PCDHGB2: variants seen among roughly 807,000 people sequenced by gnomAD.
The protein encoded by PCDHGB2 is protocadherin gamma-B2.
A neutral mutation model predicts 59.3 loss-of-function variants in PCDHGB2; 55 were observed. The ratio of observed to expected loss-of-function variants is 0.93; its 90% CI spans 0.75 to 1.16. The LOEUF (loss-of-function observed/expected upper bound fraction) is 1.16. PCDHGB2 is among the 50% of genes most tolerant of loss of function. PCDHGB2 has a pLI of 0.00. For synonymous variants in PCDHGB2, 516 were observed against 512.0 expected (o/e 1.01, Z -0.11); for missense variants, 1,228 against 1,198.5 (o/e 1.02, Z -0.36).
At chr5:141,423,510 TGCGGACTC>T in intron 1 of PCDHGB2, 1 of 1,613,792 alleles carries the variant, frequency 6.2e-7, no homozygotes, top group South Asian at 1.1e-5. Context: ...TCTCTCTCAT[TGCGGACTC>T]GCAGAAGAGT....
intron 1 of PCDHGB2, chr5:141,404,213 A>G: frequency 6.2e-7 from 1 of 1,613,516 alleles, no homozygotes; most frequent in Non-Finnish European, 8.5e-7. Context: ...ATATAATATC[A>G]CGGTGACTGC....
At chr5:141,499,323 GCTCT>G (rs1259902316) in intron 2 of PCDHGB2, among the ~76,000 whole-genome samples, 1 of 152,046 alleles carries the variant, frequency 6.6e-6, no homozygotes, top group East Asian at 1.9e-4. Context: ...CAGTATCCCT[GCTCT>G]CTCTCAGTTT....
chr5:141,456,236 T>G (rs1299029934), intron 1 of PCDHGB2, among the ~76,000 whole-genome samples: 1 of 152,120 alleles, frequency 6.6e-6, no homozygotes, highest in African/African-American at 2.4e-5. Flanking sequence ...TAACTGCTGT[T>G]AGGAGGCTTT....
At chr5:141,382,133 T>C (rs1420684997) in intron 1 of PCDHGB2, among the ~76,000 whole-genome samples, 3 of 152,068 alleles carry the variant, frequency 2.0e-5, no homozygotes, top group Admixed American at 6.6e-5. Context: ...TGGCCCCCCC[T>C]CTCATTTTTT....
intron 2 of PCDHGB2, among the ~76,000 whole-genome samples, chr5:141,498,543 C>T (rs2099784198): frequency 6.6e-6 from 1 of 151,870 alleles, no homozygotes; most frequent in South Asian, 2.1e-4. Flanking sequence ...CTGGTCTGGT[C>T]AGACACACCA....
intron 1 of PCDHGB2, chr5:141,414,528 C>T: frequency 6.2e-7 from 1 of 1,613,970 alleles, no homozygotes; most frequent in Non-Finnish European, 8.5e-7. Flanking sequence ...ATATCAATGA[C>T]AACCCACCTA....
chr5:141,362,456 T>A lies in PCDHGB2; in HGVS notation c.2321T>A (p.Leu774Ter), dbSNP rs373414184. 1.9e-6 allele frequency: 3 copies of A among 1,614,050 alleles called. No homozygotes were observed. Among genetic ancestry groups the A allele is most frequent in the Non-Finnish European group, 2.5e-6 (3 of 1,179,896 alleles). The change falls in exon 1 of 4, where the codon TTG becomes TAG. Residue 774 changes from leucine (L) to a stop codon, truncating the protein, a stop_gained. Transcript: ENST00000522605. LOFTEE classifies it high-confidence loss of function. ...EFNFLNITPE[L>*]VPAQDLVCDN... ...AATTTTCTGAACATAACCCCGGAAT[T>A]GGTTCCCGCGCAAGATCTCGTCTGT...
chr5:141,428,177 G>A lies in PCDHGB2; in HGVS notation c.2421+65621G>A, dbSNP rs754811645. The A allele has an allele frequency of 1.4e-5, 21 of 1,510,058 alleles. 1 individual carries two copies. The South Asian group carries it at 1.7e-4, about 12-fold the overall frequency. The allele number at this position is 1,510,058 out of a possible 1,614,324, so 93.5% of individuals were successfully genotyped here. ...CCTGCTGGTTGCTGTGCGTGACGGA[G>A]GACAGCCGCCGCTCTCTGCGCCGCT... On this transcript the variant is annotated intron_variant, in intron 1 of 3. Coordinates refer to ENST00000522605, the MANE Select transcript of PCDHGB2 (RefSeq NM_018923.3).
intron 1 of PCDHGB2, among the ~76,000 whole-genome samples, chr5:141,460,951 G>GTATA (rs200454978): frequency 7.9e-5 from 11 of 139,774 alleles, no homozygotes; most frequent in Middle Eastern, 3.7e-3. Context: ...TATGTATTAT[G>GTATA]TATATATATA....
Position 141,504,006 on chromosome 5 carries a change from G to C in PCDHGB2, c.2481-1387G>C, listed in dbSNP as rs138738950. Among the ~76,000 whole-genome samples, 1,431 of 152,182 alleles carry C rather than the reference G, an allele frequency of 9.4e-3. 31 individuals are homozygous for C. The highest frequency in any genetic ancestry group is 0.033 in the African/African-American group (1,367 of 41,490). On this transcript the variant is annotated intron_variant, in intron 2 of 3. Coordinates refer to ENST00000522605, the MANE Select transcript of PCDHGB2 (RefSeq NM_018923.3). The stretch of plus-strand genomic sequence containing the variant: ...CTTCTTACCTTACAGTCACTTAACT[G>C]TCTCTGCTGGTCTCTTCCCACTCAT...
At position 141,486,646 on chromosome 5, in the gene PCDHGB2, C is replaced by T; in HGVS notation, c.2422-8161C>T. On this transcript the variant is annotated intron_variant, in intron 1 of 3. Transcript: ENST00000522605. The surrounding 1 kb of genome is among the most constrained non-coding windows in gnomAD (Gnocchi z 5.0). ...ACTCTGGCTTGAATGCGCTTATCTC[C>T]TACTCACTCCTGGAGCCCAGGAATC... is the stretch of plus-strand genomic sequence containing the variant. 4.3e-6 allele frequency: 7 copies of T among 1,613,916 alleles called. No individual in the cohort carries two copies. Among genetic ancestry groups the T allele is most frequent in the African/African-American group, 1.3e-5 (1 of 75,058 alleles).
At chr5:141,421,770 G>T in intron 1 of PCDHGB2, 6 of 1,613,856 alleles carry the variant, frequency 3.7e-6, no homozygotes, top group East Asian at 2.2e-5. Context: ...ACTTTTCCTT[G>T]CAACTGCGGG....
At chr5:141,402,361 T>G (rs2094255838) in intron 1 of PCDHGB2, among the ~76,000 whole-genome samples, 1 of 151,992 alleles carries the variant, frequency 6.6e-6, no homozygotes, top group Admixed American at 6.6e-5. Flanking sequence ...ATGAATGTAC[T>G]TCCAAACAAG....
At chr5:141,368,303 C>G (rs981191656) in intron 1 of PCDHGB2, among the ~76,000 whole-genome samples, 4 of 152,066 alleles carry the variant, frequency 2.6e-5, no homozygotes, top group African/African-American at 9.7e-5. Context: ...TTTTTAAACA[C>G]TGTTAAAGAG....
At chr5:141,383,101 T>G (rs1561594429) in intron 1 of PCDHGB2, 2 of 1,613,954 alleles carry the variant, frequency 1.2e-6, no homozygotes, top group Non-Finnish European at 1.7e-6. Flanking sequence ...CCGCATCATC[T>G]CCAGAGGTAG....
intron 1 of PCDHGB2, among the ~76,000 whole-genome samples, chr5:141,420,624 CTCAA>C (rs1561789527): frequency 1.3e-5 from 2 of 152,278 alleles, no homozygotes; most frequent in Admixed American, 1.3e-4. Context: ...TCTTCATTTA[CTCAA>C]TAAAGGAACC....
At chr5:141,427,957 C>A in intron 1 of PCDHGB2, 2 of 1,588,400 alleles carry the variant, frequency 1.3e-6, no homozygotes, top group Non-Finnish European at 1.7e-6. Flanking sequence ...GACAATGTGC[C>A]GCGGGTGCTG....
At position 141,361,295 on chromosome 5, in the gene PCDHGB2, T is replaced by C; in HGVS notation, c.1160T>C (p.Leu387Ser). The change falls in exon 1 of 4, where the codon TTG becomes TCG. Residue 387 changes from leucine to serine, a missense_variant. Leu to Ser is a moderately radical substitution (Grantham distance 145). Transcript: ENST00000522605. ...GENGEVYCQV[L>S]GNAKFILKSS... is the part of the protein sequence containing the mutation. ...AATGGAGAAGTTTACTGCCAAGTGT[T>C]GGGAAATGCCAAGTTTATTTTGAAA... 6.2e-7 allele frequency: 1 copy of C among 1,613,990 alleles called. No individual in the cohort carries two copies. Among genetic ancestry groups the C allele is most frequent in the Non-Finnish European group, 8.5e-7 (1 of 1,179,886 alleles).
At chr5:141,444,692 T>G (rs531452351) in intron 1 of PCDHGB2, among the ~76,000 whole-genome samples, 1 of 152,360 alleles carries the variant, frequency 6.6e-6, no homozygotes, top group South Asian at 2.1e-4. Context: ...TTAAAAATAT[T>G]TTCCTCTTTC....
Sources: allele counts gnomAD v4.1 joint callset (sites outside exome capture counted in the v4.1 genomes callset), GRCh38; gene constraint gnomAD v4.1.1; non-coding constraint Gnocchi (gnomAD v3.1); transcripts MANE v1.5; gene names NCBI Gene and HGNC (gene_info 2026-07-23, HGNC 2026-07-21).